Variants in TAFA4 observed in about 807,000 individuals in gnomAD.
TAFA4 encodes the protein chemokine-like protein TAFA-4.
A neutral mutation model predicts 21.1 loss-of-function variants in TAFA4; 20 were observed. The observed-to-expected ratio is 0.95, with a 90% confidence interval of 0.67 to 1.38. The LOEUF (loss-of-function observed/expected upper bound fraction) is 1.38. Among genes scored for constraint, TAFA4 ranks in the 40% most tolerant of loss-of-function variants. The pLI is 0.00. For synonymous variants in TAFA4, 71 were observed against 67.4 expected (o/e 1.05, Z -0.26); for missense variants, 211 against 180.9 (o/e 1.17, Z -0.95).
intron 3 of TAFA4, among the ~76,000 whole-genome samples, chr3:68,840,260 T>G (rs148603286): frequency 5.9e-5 from 9 of 152,332 alleles, no homozygotes; most frequent in African/African-American, 2.2e-4. Flanking sequence ...CAGGCTTTAG[T>G]GCAGTGGTGC....
At chr3:68,841,470 A>T (rs1458281581) in intron 3 of TAFA4, among the ~76,000 whole-genome samples, 1 of 152,136 alleles carries the variant, frequency 6.6e-6, no homozygotes, top group East Asian at 1.9e-4. Flanking sequence ...CCACAACTAA[A>T]TCACAATGCG....
At chr3:68,739,509 A>G (rs1365141904) in intron 4 of TAFA4, among the ~76,000 whole-genome samples, 7 of 152,230 alleles carry the variant, frequency 4.6e-5, no homozygotes, top group Non-Finnish European at 7.3e-5. Context: ...CTAAAAATCA[A>G]CCACTGAATC....
chr3:68,780,837 T>C (rs1703140571), intron 3 of TAFA4, among the ~76,000 whole-genome samples: 1 of 151,488 alleles, frequency 6.6e-6, no homozygotes, highest in Non-Finnish European at 1.5e-5. Context: ...CCCAAAAGCA[T>C]CAGAATACAT....
chr3:68,749,170 A>T (rs531090710), intron 4 of TAFA4, among the ~76,000 whole-genome samples: 1 of 152,212 alleles, frequency 6.6e-6, no homozygotes, highest in Non-Finnish European at 1.5e-5. Context: ...TCGTAAGTTA[A>T]TTATGATAAA....
At chr3:68,900,529 C>T (rs753253646) in intron 1 of TAFA4, among the ~76,000 whole-genome samples, 21 of 152,100 alleles carry the variant, frequency 1.4e-4, no homozygotes, top group Non-Finnish European at 2.6e-4. Context: ...ATATTACTGC[C>T]TCAGAGAAGC....
At chr3:68,881,904 C>A (rs953650519) in intron 2 of TAFA4, among the ~76,000 whole-genome samples, 1 of 152,156 alleles carries the variant, frequency 6.6e-6, no homozygotes, top group Non-Finnish European at 1.5e-5. Flanking sequence ...CCCTACTCCA[C>A]GAAAACACAT....
At chr3:68,773,411 A>G (rs1343443558) in intron 3 of TAFA4, among the ~76,000 whole-genome samples, 1 of 152,214 alleles carries the variant, frequency 6.6e-6, no homozygotes, top group East Asian at 1.9e-4. Context: ...TTCACCAATC[A>G]GGAAGTTCCA....
Position 68,733,078 on chromosome 3 carries a change from A to C in TAFA4, c.*64T>G, listed in dbSNP as rs1458974443. On this transcript the variant is annotated 3_prime_UTR_variant, in exon 6 of 6. Coordinates refer to ENST00000295569, the MANE Select transcript of TAFA4 (RefSeq NM_182522.5). ...TTTTCTGCAAAGGGGCCATGATGGG[A>C]ATCCAAGCAAAAGAGCTCCGCCTCC... 5 of 1,607,548 alleles carry C rather than the reference A, an allele frequency of 3.1e-6. No individual in the cohort carries two copies. In the Admixed American group the frequency reaches 8.5e-5, roughly 27 times the overall value.
chr3:68,795,413 A>G (rs1275397890), intron 3 of TAFA4, among the ~76,000 whole-genome samples: 1 of 152,036 alleles, frequency 6.6e-6, no homozygotes, highest in East Asian at 1.9e-4. Flanking sequence ...TACAGATCAT[A>G]TGACCCCAAC....
intron 3 of TAFA4, among the ~76,000 whole-genome samples, chr3:68,872,488 T>C (rs1365113165): frequency 6.6e-6 from 1 of 151,966 alleles, no homozygotes; most frequent in Non-Finnish European, 1.5e-5. Context: ...TGTTCAATAG[T>C]ATGGTACGGT....
intron 3 of TAFA4, among the ~76,000 whole-genome samples, chr3:68,784,827 T>C (rs188966184): frequency 1.3e-3 from 201 of 152,310 alleles, no homozygotes; most frequent in African/African-American, 4.4e-3. Context: ...TTACAACCCC[T>C]GAGCTAGACA....
chr3:68,844,791 G>C (rs1011207795), intron 3 of TAFA4, among the ~76,000 whole-genome samples: 1 of 152,186 alleles, frequency 6.6e-6, no homozygotes, highest in Non-Finnish European at 1.5e-5. Flanking sequence ...GAGTGATTCA[G>C]GAGCAGGCTG....
chr3:68,910,791 G>A (rs1202836377), intron 1 of TAFA4, among the ~76,000 whole-genome samples: 1 of 152,152 alleles, frequency 6.6e-6, no homozygotes, highest in Non-Finnish European at 1.5e-5. Flanking sequence ...GACTATATAC[G>A]ATTTTTCTTT....
intron 5 of TAFA4, among the ~76,000 whole-genome samples, chr3:68,734,932 C>T (rs980032289): frequency 7.9e-5 from 12 of 152,124 alleles, no homozygotes; most frequent in African/African-American, 2.7e-4. Flanking sequence ...TTTTGGACAA[C>T]TTCACTGAAG....
intron 3 of TAFA4, among the ~76,000 whole-genome samples, chr3:68,850,433 C>T (rs1235316113): frequency 3.3e-5 from 5 of 152,092 alleles, no homozygotes; most frequent in South Asian, 2.1e-4. Context: ...TTTCAAATTA[C>T]GGTATTTCTG....
At chr3:68,829,642 A>C (rs1704332590) in intron 3 of TAFA4, among the ~76,000 whole-genome samples, 1 of 152,168 alleles carries the variant, frequency 6.6e-6, no homozygotes, top group Admixed American at 6.5e-5. Context: ...TATTGGTATA[A>C]AATTCTCTTT....
chr3:68,902,125 T>G (rs2089849494), intron 1 of TAFA4, among the ~76,000 whole-genome samples: 1 of 152,194 alleles, frequency 6.6e-6, no homozygotes, highest in Non-Finnish European at 1.5e-5. Context: ...TTTGAGGCAG[T>G]TGCTATCAGT....
At chr3:68,914,761 C>A (rs1406526483) in intron 1 of TAFA4, among the ~76,000 whole-genome samples, 1 of 152,168 alleles carries the variant, frequency 6.6e-6, no homozygotes, top group Non-Finnish European at 1.5e-5. Flanking sequence ...TTTATTCCAG[C>A]AGGGATCAAC....
intron 3 of TAFA4, among the ~76,000 whole-genome samples, chr3:68,760,799 A>G (rs1702744152): frequency 6.6e-6 from 1 of 152,178 alleles, no homozygotes. Context: ...CCCTATCCCA[A>G]CTTGGCTTTT....
Sources: allele counts gnomAD v4.1 joint callset (sites outside exome capture counted in the v4.1 genomes callset), GRCh38; gene constraint gnomAD v4.1.1; transcripts MANE v1.5; gene names NCBI Gene and HGNC (gene_info 2026-07-23, HGNC 2026-07-21).